The following NOX4 variants were observed in gnomAD, a reference collection of about 807,000 sequenced individuals.
The protein encoded by NOX4 is NADPH oxidase 4, also known as kidney oxidase-1.
Under a neutral mutation model 87.6 loss-of-function variants are expected in NOX4, and 69 were observed. That is an observed-to-expected ratio of 0.79 (90% confidence interval 0.65 to 0.96). The LOEUF is 0.96. Ranked by LOEUF, NOX4 falls within the 40% of genes least tolerant of loss-of-function variation. The pLI, the probability that NOX4 is intolerant of heterozygous loss-of-function variation, is 0.00. For missense variants in NOX4, 680 were observed against 681.5 expected (o/e 1.00, Z 0.02); for synonymous variants, 275 against 238.2 (o/e 1.15, Z -1.42).
chr11:89,495,476 G>T (rs190173782), upstream of NOX4, among the ~76,000 whole-genome samples: 1 of 151,778 alleles, frequency 6.6e-6, no homozygotes, highest in East Asian at 1.9e-4. Context: ...TTGTATTCAG[G>T]GCTCACCCAG....
At chr11:89,498,589 G>A (rs545756688), upstream of NOX4, among the ~76,000 whole-genome samples, 1 of 152,182 alleles carries the variant, frequency 6.6e-6, no homozygotes, top group South Asian at 2.1e-4. Context: ...TTTTCCACTT[G>A]CAAGCATATA....
intron 13 of NOX4, among the ~76,000 whole-genome samples, chr11:89,346,637 G>C (rs993954279): frequency 6.6e-6 from 1 of 150,400 alleles, no homozygotes; most frequent in African/African-American, 2.5e-5. Context: ...TCCCCAACTT[G>C]TTCTGAAATT....
intron 13 of NOX4, among the ~76,000 whole-genome samples, chr11:89,343,347 C>T (rs2134919161): frequency 6.6e-6 from 1 of 152,260 alleles, no homozygotes. Context: ...TACTGACAGG[C>T]CTTCTGGGAG....
chr11:89,383,258 A>C (rs1940433236), intron 11 of NOX4, among the ~76,000 whole-genome samples: 1 of 152,228 alleles, frequency 6.6e-6, no homozygotes, highest in African/African-American at 2.4e-5. Context: ...TCTTGCTTCA[A>C]GTGCCAGAAA....
intron 15 of NOX4, among the ~76,000 whole-genome samples, 161 bp downstream of exon 15, chr11:89,339,902 C>A (rs1159782695): frequency 2.0e-5 from 3 of 152,138 alleles, no homozygotes; most frequent in Admixed American, 6.5e-5. Flanking sequence ...CAGATATTAT[C>A]TCTGATTTTT....
chr11:89,563,759 A>G, the NOX4 span, among the ~76,000 whole-genome samples: 34 of 152,274 alleles, frequency 2.2e-4, no homozygotes, highest in African/African-American at 7.5e-4. Flanking sequence ...TGAAATTACA[A>G]TTTTGAGTGT....
At chr11:89,386,160 G>A (rs1282096919) in intron 11 of NOX4, among the ~76,000 whole-genome samples, 1 of 152,122 alleles carries the variant, frequency 6.6e-6, no homozygotes, top group Non-Finnish European at 1.5e-5. Context: ...ATGCTACAGG[G>A]TATAGCCTAT....
chr11:89,536,381 C>A, the NOX4 span, among the ~76,000 whole-genome samples: 5 of 151,820 alleles, frequency 3.3e-5, no homozygotes, highest in African/African-American at 9.7e-5. Context: ...CTCCTGACTT[C>A]GTGATCCGCC....
intron 2 of NOX4, among the ~76,000 whole-genome samples, chr11:89,481,691 A>C (rs1190388213): frequency 6.6e-6 from 1 of 152,134 alleles, no homozygotes; most frequent in African/African-American, 2.4e-5. Context: ...GACATGAAGA[A>C]ACACTGACCA....
chr11:89,545,229 T>G, the NOX4 span: 4 of 152,196 alleles, frequency 2.6e-5, no homozygotes, highest in South Asian at 8.3e-4. Flanking sequence ...GTTCTGTGTA[T>G]GTTTTTCTGC....
intron 4 of NOX4, among the ~76,000 whole-genome samples, chr11:89,447,538 A>G (rs1944759092): frequency 5.3e-5 from 8 of 152,198 alleles, no homozygotes; most frequent in Admixed American, 5.2e-4. Flanking sequence ...TGTGGTAGAT[A>G]GAGTCATCCC....
At position 89,387,131 on chromosome 11, in the gene NOX4, G is replaced by A. The variant is rs754113262; in HGVS notation, c.1074+12886C>T. Among the ~76,000 whole-genome samples the A allele has an allele frequency of 4.3e-4, 65 of 151,618 alleles. 1 individual carries two copies. The highest frequency in any genetic ancestry group is 9.9e-4 in the Admixed American group (15 of 15,214). On this transcript the variant is annotated intron_variant, in intron 11 of 17. Transcript: ENST00000263317. Reference sequence around the variant, plus strand: ...CTCCATACCACCCCCAAAAATTTTCGCCACCCCAACACTTTACCACTATTT... The same window carrying A: ...CTCCATACCACCCCCAAAAATTTTCACCACCCCAACACTTTACCACTATTT...
At chr11:89,418,461 T>A (rs1443744394) in intron 8 of NOX4, among the ~76,000 whole-genome samples, 23 of 144,900 alleles carry the variant, frequency 1.6e-4, no homozygotes, top group African/African-American at 4.9e-4. Context: ...ATAATAATAA[T>A]AAATTTACAG....
At chr11:89,540,505 C>T in the NOX4 span, among the ~76,000 whole-genome samples, 2 of 151,462 alleles carry the variant, frequency 1.3e-5, no homozygotes, top group East Asian at 2.0e-4. Flanking sequence ...TTGAAAGCTT[C>T]GGCCGGGCAC....
At chr11:89,367,824 G>T (rs1177609508) in intron 12 of NOX4, among the ~76,000 whole-genome samples, 4 of 151,984 alleles carry the variant, frequency 2.6e-5, no homozygotes, top group African/African-American at 9.7e-5. Context: ...CCTAATATTT[G>T]GATGCCACCC....
chr11:89,577,512 C>T, the NOX4 span: 1 of 152,122 alleles, frequency 6.6e-6, no homozygotes, highest in South Asian at 2.1e-4. Flanking sequence ...TATTGCTTGC[C>T]ATTTGACAAA....
At chr11:89,514,880 T>C in the NOX4 span, among the ~76,000 whole-genome samples, 4 of 152,028 alleles carry the variant, frequency 2.6e-5, no homozygotes, top group African/African-American at 9.6e-5. Flanking sequence ...CTTTTGTTTC[T>C]GTTCTTTAGG....
chr11:89,406,135 A>T (rs1471290921), intron 8 of NOX4, among the ~76,000 whole-genome samples: 4 of 152,040 alleles, frequency 2.6e-5, no homozygotes, highest in African/African-American at 4.8e-5. Context: ...TTTCTTTGGT[A>T]TTAGTGCAGA....
At chr11:89,483,112 A>G (rs915109916) in intron 2 of NOX4, among the ~76,000 whole-genome samples, 1 of 152,110 alleles carries the variant, frequency 6.6e-6, no homozygotes, top group Admixed American at 6.6e-5. Context: ...AATAATTCCT[A>G]TATTCTACTG....
Sources: gnomAD v4.1 joint callset for allele counts (sites outside exome capture counted in the v4.1 genomes callset) on GRCh38, gnomAD v4.1.1 for gene constraint, MANE v1.5 for transcripts, NCBI Gene and HGNC (gene_info 2026-07-23, HGNC 2026-07-21) for gene names.